FNDC3B: variants seen among roughly 807,000 people sequenced by gnomAD.
FNDC3B encodes fibronectin type III domain-containing protein 3B.
In FNDC3B, 12 loss-of-function variants were observed where a neutral mutation model predicts 151.5. The ratio of observed to expected loss-of-function variants is 0.08; its 90% CI spans 0.05 to 0.13. The LOEUF is 0.13. Among genes scored for constraint, FNDC3B ranks in the 10% least tolerant of loss-of-function variants. FNDC3B has a pLI of 1.00. For missense variants in FNDC3B, 1,214 were observed against 1,505.3 expected, an observed-to-expected ratio of 0.81 and a Z score of 3.20; for synonymous variants, 528 against 549.0, an observed-to-expected ratio of 0.96 and a Z score of 0.54.
intron 11 of FNDC3B, among the ~76,000 whole-genome samples, chr3:172,319,649 C>T (rs539277359): frequency 6.6e-6 from 1 of 152,122 alleles, no homozygotes; most frequent in East Asian, 1.9e-4. Flanking sequence ...GGGTTTGGCA[C>T]GAGGAACTTC....
chr3:172,152,414 A>C (rs1052943377), intron 3 of FNDC3B, among the ~76,000 whole-genome samples: 14 of 152,136 alleles, frequency 9.2e-5, no homozygotes, highest in African/African-American at 2.9e-4. Flanking sequence ...TCAGAATCAG[A>C]CTGCCTTTGC....
chr3:172,317,134 A>C (rs1366485040), intron 11 of FNDC3B: 1 of 444,994 alleles, frequency 2.2e-6, no homozygotes, highest in Non-Finnish European at 4.5e-6. Flanking sequence ...AAGGAAAAAA[A>C]AATGACCACC....
intron 2 of FNDC3B, among the ~76,000 whole-genome samples, chr3:172,123,660 TA>T (rs1720665639): frequency 6.6e-6 from 1 of 152,218 alleles, no homozygotes; most frequent in Non-Finnish European, 1.5e-5. Flanking sequence ...ATTTTTGTTT[TA>T]TATTGCCAGA....
chr3:172,164,506 A>C (rs1359872765), intron 3 of FNDC3B, among the ~76,000 whole-genome samples: 1 of 152,218 alleles, frequency 6.6e-6, no homozygotes, highest in Non-Finnish European at 1.5e-5. Context: ...TTGCCAGAGG[A>C]AGAAGTTTAC....
chr3:172,082,248 A>AT (rs1351457596), intron 1 of FNDC3B, among the ~76,000 whole-genome samples: 2 of 152,184 alleles, frequency 1.3e-5, no homozygotes, highest in African/African-American at 4.8e-5. Context: ...TTTCATAAAC[A>AT]TTTTTTCCTG....
At chr3:172,381,275 A>G (rs1261288536) in intron 25 of FNDC3B, among the ~76,000 whole-genome samples, 182 bp downstream of exon 25, 2 of 152,220 alleles carry the variant, frequency 1.3e-5, no homozygotes. Flanking sequence ...TTCATTTTAT[A>G]TATGGTGGTA....
At chr3:172,183,251 A>T (rs1424783686) in intron 3 of FNDC3B, among the ~76,000 whole-genome samples, 1 of 152,230 alleles carries the variant, frequency 6.6e-6, no homozygotes, top group Admixed American at 6.5e-5. Flanking sequence ...AATTTCCAGT[A>T]AAGTAGGAAA....
chr3:172,042,326 G>C (rs1352005899), intron 1 of FNDC3B, among the ~76,000 whole-genome samples: 1 of 151,904 alleles, frequency 6.6e-6, no homozygotes, highest in Non-Finnish European at 1.5e-5. Context: ...GCCCTTGGAG[G>C]CTAGGTAGCA....
intron 23 of FNDC3B, among the ~76,000 whole-genome samples, chr3:172,369,283 T>C (rs898931926): frequency 1.8e-4 from 27 of 152,258 alleles, no homozygotes; most frequent in African/African-American, 6.5e-4. Context: ...AGTAGGCAAA[T>C]AGAAATTTGG....
rs1485033933 is a variant in FNDC3B at position 172,285,936 on chromosome 3, G to A, written c.801G>A (p.Leu267=). 4 of 1,612,482 alleles carry A rather than the reference G, an allele frequency of 2.5e-6. No individual in the cohort carries two copies. In the South Asian group the frequency reaches 3.3e-5, roughly 13 times the overall value. ...SNDSDLQEYE[L]EVKRVQDILS... ...TTTTTCGCAATGCAGAATATGAGTT[G>A]GAAGTAAAGAGGGTGCAAGACATTC... Residue 267 remains leucine (L), a synonymous_variant, in exon 7 of 26, where the codon TTG becomes TTA. Transcript: ENST00000415807.
At chr3:172,072,256 A>G (rs1717816088) in intron 1 of FNDC3B, among the ~76,000 whole-genome samples, 1 of 151,194 alleles carries the variant, frequency 6.6e-6, no homozygotes, top group African/African-American at 2.4e-5. Context: ...ATTTAAATTT[A>G]AATAGTTACA....
chr3:172,237,125 C>T (rs1727209678), intron 4 of FNDC3B, among the ~76,000 whole-genome samples: 1 of 152,188 alleles, frequency 6.6e-6, no homozygotes, highest in Non-Finnish European at 1.5e-5. Flanking sequence ...TCTTCTTATA[C>T]TGATCACCTC....
In FNDC3B at chr3:172,335,067, T is replaced by G; in HGVS notation, c.1765T>G (p.Phe589Val). 1 of 1,607,712 alleles carries G rather than the reference T, an allele frequency of 6.2e-7. No individual in the cohort carries two copies. Among genetic ancestry groups the G allele is most frequent in the Non-Finnish European group, 8.5e-7 (1 of 1,177,008 alleles). Residue 589 changes from phenylalanine (F) to valine (V), a missense_variant, in exon 15 of 26, where the codon TTT becomes GTT. Transcript: ENST00000415807. Reference protein sequence around the residue: ...LVKGPVTSHGFSVKWDPPKDN... With the variant: ...LVKGPVTSHGVSVKWDPPKDN... Reference sequence around the variant, plus strand: ...CAAAGGCCCAGTTACATCTCATGGCTTTAGTGTCAAATGGGGTATGTTTTG... The same window carrying G: ...CAAAGGCCCAGTTACATCTCATGGCGTTAGTGTCAAATGGGGTATGTTTTG...
At chr3:172,344,611 A>C (rs1400243556) in intron 19 of FNDC3B, among the ~76,000 whole-genome samples, 6 of 152,216 alleles carry the variant, frequency 3.9e-5, no homozygotes, top group African/African-American at 1.4e-4. Flanking sequence ...TTCTAATAAA[A>C]GTTTTATACT....
intron 3 of FNDC3B, among the ~76,000 whole-genome samples, chr3:172,159,360 A>G (rs1035367964): frequency 6.6e-6 from 1 of 152,192 alleles, no homozygotes; most frequent in African/African-American, 2.4e-5. Flanking sequence ...CTGTGTGATC[A>G]CTGTATCCCT....
intron 24 of FNDC3B, among the ~76,000 whole-genome samples, chr3:172,379,785 A>G (rs527604457): frequency 1.3e-5 from 2 of 152,238 alleles, no homozygotes; most frequent in South Asian, 2.1e-4. Flanking sequence ...TCTAGAAAGT[A>G]TGAAGGAGTA....
At chr3:172,362,450 A>G (rs1379870832) in intron 22 of FNDC3B, among the ~76,000 whole-genome samples, 183 bp from the exon 23 acceptor site, 1 of 151,976 alleles carries the variant, frequency 6.6e-6, no homozygotes, top group Non-Finnish European at 1.5e-5. Context: ...AATGGAGACT[A>G]TAGTCTGTCC....
chr3:172,144,149 C>T (rs760115005), intron 3 of FNDC3B, among the ~76,000 whole-genome samples: 3 of 151,994 alleles, frequency 2.0e-5, no homozygotes, highest in Non-Finnish European at 2.9e-5. Context: ...GGGGAGCCAG[C>T]GTGTCACATG....
chr3:172,285,258 T>C (rs1323632205), intron 6 of FNDC3B, among the ~76,000 whole-genome samples: 3 of 152,178 alleles, frequency 2.0e-5, no homozygotes, highest in African/African-American at 7.2e-5. Flanking sequence ...CTGTCTCTAC[T>C]CTCAGCTCTA....
Sources: gnomAD v4.1 joint callset for allele counts (sites outside exome capture counted in the v4.1 genomes callset) on GRCh38, gnomAD v4.1.1 for gene constraint, MANE v1.5 for transcripts, NCBI Gene and HGNC (gene_info 2026-07-23, HGNC 2026-07-21) for gene names.